ASIC2: variants seen among roughly 807,000 people sequenced by gnomAD.
ASIC2 encodes the protein acid-sensing ion channel 2.
ASIC2 carries 25 observed loss-of-function variants against 57.3 expected under a neutral mutation model. The ratio of observed to expected loss-of-function variants is 0.44; its 90% CI spans 0.32 to 0.61. ASIC2 has a LOEUF of 0.61. Among genes scored for constraint, ASIC2 ranks in the 20% least tolerant of loss-of-function variants. The pLI, the probability that ASIC2 is intolerant of heterozygous loss-of-function variation, is 0.06. For missense variants in ASIC2, 641 were observed against 738.1 expected (o/e 0.87, Z 1.52); for synonymous variants, 319 against 307.5 (o/e 1.04, Z -0.39).
intron 1 of ASIC2, among the ~76,000 whole-genome samples, chr17:33,567,370 G>A (rs997804650): frequency 3.3e-5 from 5 of 152,184 alleles, no homozygotes; most frequent in Admixed American, 6.5e-5. Context: ...AATGGGCAGG[G>A]ATTAAATTAT....
At chr17:33,505,392 A>G (rs1914218159) in intron 1 of ASIC2, among the ~76,000 whole-genome samples, 1 of 152,082 alleles carries the variant, frequency 6.6e-6, no homozygotes, top group South Asian at 2.1e-4. Context: ...TGATGCTACC[A>G]TACAACTATC....
intron 1 of ASIC2, among the ~76,000 whole-genome samples, chr17:33,550,242 G>A (rs1010109546): frequency 5.3e-5 from 8 of 152,136 alleles, no homozygotes; most frequent in East Asian, 1.9e-4. Flanking sequence ...TGCAAATACC[G>A]GAACGATCTC....
intron 1 of ASIC2, among the ~76,000 whole-genome samples, chr17:33,913,210 G>T (rs1487607499): frequency 6.6e-6 from 1 of 151,994 alleles, no homozygotes; most frequent in East Asian, 1.9e-4. Flanking sequence ...CATAAAGTGT[G>T]TAAAGAGCTT....
chr17:33,744,787 G>C (rs1567704052), intron 1 of ASIC2, among the ~76,000 whole-genome samples: 1 of 152,078 alleles, frequency 6.6e-6, no homozygotes, highest in Non-Finnish European at 1.5e-5. Flanking sequence ...AATAACCAGA[G>C]GAAAGCGTGC....
chr17:34,117,136 T>G (rs1021690051), intron 1 of ASIC2, among the ~76,000 whole-genome samples: 3 of 152,118 alleles, frequency 2.0e-5, no homozygotes, highest in Non-Finnish European at 4.4e-5. Flanking sequence ...TTCATCAATC[T>G]GTCAGGATTT....
chr17:33,768,519 T>C (rs1911001408), intron 1 of ASIC2, among the ~76,000 whole-genome samples: 1 of 152,170 alleles, frequency 6.6e-6, no homozygotes, highest in Admixed American at 6.5e-5. Flanking sequence ...TGGCATTTTC[T>C]ATCCGTTGGA....
chr17:33,711,060 C>G (rs1466217165), intron 1 of ASIC2, among the ~76,000 whole-genome samples: 1 of 152,140 alleles, frequency 6.6e-6, no homozygotes, highest in Non-Finnish European at 1.5e-5. Flanking sequence ...AAGCGATCCT[C>G]CCACCTCAGC....
At chr17:33,550,644 G>A (rs1405945096) in intron 1 of ASIC2, among the ~76,000 whole-genome samples, 2 of 152,232 alleles carry the variant, frequency 1.3e-5, no homozygotes, top group East Asian at 3.8e-4. Context: ...CTCATTTAGA[G>A]AAGGGATAAT....
At chr17:33,702,978 C>T (rs1908748900) in intron 1 of ASIC2, among the ~76,000 whole-genome samples, 1 of 152,066 alleles carries the variant, frequency 6.6e-6, no homozygotes, top group Non-Finnish European at 1.5e-5. Context: ...AACAGAGTTA[C>T]GGATTGTGCC....
Position 33,078,937 on chromosome 17 carries a change from G to T in ASIC2, c.987+9926C>A, listed in dbSNP as rs536447812. Among the ~76,000 whole-genome samples the T allele has an allele frequency of 4.6e-5, 7 of 152,328 alleles. No individual in the cohort carries two copies. In the East Asian group the frequency reaches 1.2e-3, roughly 25 times the overall value. On this transcript the variant is annotated intron_variant, in intron 3 of 9. Transcript: ENST00000225823. ...GAAGGCTCAAGGCCTAAGTGGGGCA[G>T]TGTGTAGATGAGAGGGGGCTGTGTG...
intron 1 of ASIC2, among the ~76,000 whole-genome samples, chr17:33,858,125 A>G (rs1396158181): frequency 2.0e-5 from 3 of 152,174 alleles, no homozygotes; most frequent in Non-Finnish European, 4.4e-5. Context: ...CCCTAGGGCC[A>G]TCTTCCACTC....
Position 33,748,115 on chromosome 17 carries a change from A to C in ASIC2, c.555+407863T>G, listed in dbSNP as rs554875299. Among the ~76,000 whole-genome samples, 32 of 152,332 alleles carry C rather than the reference A, an allele frequency of 2.1e-4. No individual in the cohort carries two copies. The East Asian group carries it at 5.4e-3, about 26-fold the overall frequency. ...ACAGAGTTGAGCTTTGAGCCCACTC[A>C]ATCTAACTGCAAAGCCCACCCTTCT... On this transcript the variant is annotated intron_variant, in intron 1 of 9. Coordinates refer to the ASIC2 transcript ENST00000359872.
chr17:33,066,072 A>G (rs1230096095), intron 3 of ASIC2, among the ~76,000 whole-genome samples: 1 of 151,900 alleles, frequency 6.6e-6, no homozygotes, highest in East Asian at 1.9e-4. Context: ...CCTGGGCCCC[A>G]TTTCCTATCA....
intron 1 of ASIC2, among the ~76,000 whole-genome samples, chr17:33,644,323 A>G (rs1906676429): frequency 6.7e-6 from 1 of 148,620 alleles, no homozygotes; most frequent in Non-Finnish European, 1.5e-5. Flanking sequence ...TGAACCTGGT[A>G]CTTCTACTTG....
chr17:33,948,283 T>C (rs2141983257), intron 1 of ASIC2, among the ~76,000 whole-genome samples: 1 of 152,360 alleles, frequency 6.6e-6, no homozygotes, highest in East Asian at 1.9e-4. Context: ...TTCAATGCTC[T>C]GAGCCTCACT....
intron 1 of ASIC2, among the ~76,000 whole-genome samples, chr17:33,142,015 G>A (rs1904330603): frequency 6.6e-6 from 1 of 152,214 alleles, no homozygotes; most frequent in Non-Finnish European, 1.5e-5. Context: ...ATATATTTAT[G>A]TGTGTAAGAT....
chr17:33,885,023 A>C (rs1914796580), intron 1 of ASIC2, among the ~76,000 whole-genome samples: 1 of 152,106 alleles, frequency 6.6e-6, no homozygotes, highest in Non-Finnish European at 1.5e-5. Context: ...CAGCTTCAAA[A>C]ACCCTTCAAA....
At chr17:33,186,717 C>T (rs1906211635) in intron 1 of ASIC2, among the ~76,000 whole-genome samples, 1 of 152,148 alleles carries the variant, frequency 6.6e-6, no homozygotes, top group African/African-American at 2.4e-5. Flanking sequence ...AGTTGATCAT[C>T]AAAGCTGATC....
At chr17:33,974,542 G>T (rs566593346) in intron 1 of ASIC2, among the ~76,000 whole-genome samples, 2 of 152,224 alleles carry the variant, frequency 1.3e-5, no homozygotes, top group East Asian at 1.9e-4. Context: ...GGCAAGTCCA[G>T]CCAGCTTCTC....
Sources: allele counts gnomAD v4.1 joint callset (sites outside exome capture counted in the v4.1 genomes callset), GRCh38; gene constraint gnomAD v4.1.1; transcripts MANE v1.5; gene names NCBI Gene and HGNC (gene_info 2026-07-23, HGNC 2026-07-21).